AMOTL1: variants seen among roughly 807,000 people sequenced by gnomAD.
AMOTL1 encodes angiomotin like 1.
A neutral mutation model predicts 102.9 loss-of-function variants in AMOTL1; 45 were observed. The observed-to-expected ratio is 0.44, with a 90% CI of 0.34 to 0.56. AMOTL1 has a LOEUF of 0.56. Ranked by LOEUF, AMOTL1 falls within the 20% of genes least tolerant of loss-of-function variation. The probability of loss-of-function intolerance (pLI) is 0.01; values close to 1 mark genes in which losing one functional copy is unlikely to be tolerated. For missense variants in AMOTL1, 1,114 were observed against 1,225.6 expected (o/e 0.91, Z 1.36); for synonymous variants, 481 against 484.7 (o/e 0.99, Z 0.10).
Position 94,873,846 on chromosome 11 carries a change from A to ACTAAGCCC in AMOTL1, c.*3052_*3059dup, listed in dbSNP as rs1413172560. ...CACATCTCAGAGCCTAAGAAATAGG[A>ACTAAGCCC]CTAAGCCCAGAACTCCTAGAATCAC... is the stretch of plus-strand genomic sequence containing the variant. On this transcript the variant is annotated 3_prime_UTR_variant, in exon 13 of 13. Transcript: ENST00000433060. The ACTAAGCCC allele has an allele frequency of 1.1e-4, 17 of 152,402 alleles. No homozygotes were observed. Among genetic ancestry groups the ACTAAGCCC allele is most frequent in the African/African-American group, 3.9e-4 (16 of 41,432 alleles). 9.4% of individuals were successfully genotyped at this position (152,402 alleles called of 1,614,324 possible).
At chr11:94,824,334 A>T (rs1028612489) in intron 4 of AMOTL1, among the ~76,000 whole-genome samples, 1 of 152,156 alleles carries the variant, frequency 6.6e-6, no homozygotes, top group Non-Finnish European at 1.5e-5. Context: ...CAATGAAATG[A>T]TGTTATTTGG....
In AMOTL1 at chr11:94,869,395, C is replaced by T. The variant is rs375930290; in HGVS notation, c.2686C>T (p.Arg896Cys). 4.9e-5 allele frequency: 79 copies of T among 1,605,944 alleles called. No individual in the cohort carries two copies. In the African/African-American group the frequency reaches 5.1e-4, roughly 10 times the overall value. ...GCCCAGCATGGCCTCCCTTCCCAGC[C>T]GCGGCCGGCTGAGCACGACCCCTGC... Reference protein sequence around the residue: ...FWPSMASLPSRGRLSTTPAHS... With the variant: ...FWPSMASLPSCGRLSTTPAHS... The change falls in exon 12 of 13, where the codon CGC becomes TGC. Residue 896 changes from arginine to cysteine, a missense_variant. Arg to Cys is a radical substitution (Grantham distance 180). Transcript: ENST00000433060.
intron 3 of AMOTL1, among the ~76,000 whole-genome samples, chr11:94,806,224 C>T (rs1951565996): frequency 6.6e-6 from 1 of 152,198 alleles, no homozygotes; most frequent in South Asian, 2.1e-4. Context: ...TGCAGCAAGT[C>T]CAGTCTAAAC....
chr11:94,854,793 A>G (rs915812584), intron 8 of AMOTL1, among the ~76,000 whole-genome samples: 32 of 152,160 alleles, frequency 2.1e-4, no homozygotes, highest in Admixed American at 5.2e-4. Context: ...AGGGGGTGAC[A>G]TTAGTAGCCC....
intron 3 of AMOTL1, among the ~76,000 whole-genome samples, chr11:94,746,745 G>T (rs145302102): frequency 8.5e-4 from 129 of 151,910 alleles, no homozygotes; most frequent in African/African-American, 3.0e-3. Context: ...GTGGACCCAA[G>T]CATCAATGTT....
At position 94,801,820 on chromosome 11, in the gene AMOTL1, G is replaced by C. The variant is rs151320127; in HGVS notation, c.1121+1509G>C. On this transcript the variant is annotated intron_variant, in intron 3 of 12. Coordinates refer to ENST00000433060, the MANE Select transcript of AMOTL1 (RefSeq NM_130847.3). ...GAGTCAGAAATGTTTAGATGTTGCT[G>C]ACATTGAAGGAGGGGCAGGGAACAT... Among the ~76,000 whole-genome samples the C allele has an allele frequency of 4.5e-4, 68 of 152,294 alleles. No individual in the cohort carries two copies. The East Asian group carries it at 9.3e-3, about 21-fold the overall frequency.
At chr11:94,813,216 C>T (rs564632832) in intron 3 of AMOTL1, among the ~76,000 whole-genome samples, 1 of 152,340 alleles carries the variant, frequency 6.6e-6, no homozygotes, top group East Asian at 1.9e-4. Flanking sequence ...GACAATTTGA[C>T]AAGGATCACT....
intron 7 of AMOTL1, among the ~76,000 whole-genome samples, chr11:94,851,265 C>G (rs191147099): frequency 2.3e-4 from 35 of 152,314 alleles, no homozygotes; most frequent in African/African-American, 7.9e-4. Context: ...ATTGTCATCA[C>G]TGAAATGACA....
At chr11:94,842,587 A>G (rs1196517608) in intron 6 of AMOTL1, among the ~76,000 whole-genome samples, 3 of 152,130 alleles carry the variant, frequency 2.0e-5, no homozygotes, top group African/African-American at 7.2e-5. Flanking sequence ...GCTTTACCTC[A>G]TTTTCCCATA....
intron 1 of AMOTL1, among the ~76,000 whole-genome samples, chr11:94,770,287 G>A (rs534083239): frequency 4.9e-4 from 75 of 152,322 alleles, no homozygotes; most frequent in Admixed American, 1.4e-3. Context: ...GGCTCTTTAT[G>A]AGAATAATGT....
At chr11:94,854,541 G>A (rs1952620593) in intron 8 of AMOTL1, among the ~76,000 whole-genome samples, 1 of 152,184 alleles carries the variant, frequency 6.6e-6, no homozygotes, top group South Asian at 2.1e-4. Flanking sequence ...CACTTGTGGA[G>A]GACATTTGGT....
chr11:94,866,081 A>G lies in AMOTL1; in HGVS notation c.2401A>G (p.Thr801Ala), dbSNP rs1396902054. ...CTCCGTTCCATCCATAGCAGCAGCT[A>G]CTGGGACACACTCTCGCCAGACCTC... ...ARSVPSIAAA[T>A]GTHSRQTSLT... Residue 801 changes from threonine (T) to alanine (A), a missense_variant, in exon 11 of 13, where the codon ACT becomes GCT. Thr to Ala is a moderately conservative substitution (Grantham distance 58). Coordinates refer to ENST00000433060, the MANE Select transcript of AMOTL1 (RefSeq NM_130847.3). 2 of 1,613,994 alleles carry G rather than the reference A, an allele frequency of 1.2e-6. No homozygotes were observed. Among genetic ancestry groups the G allele is most frequent in the Non-Finnish European group, 1.7e-6 (2 of 1,179,898 alleles).
chr11:94,863,612 A>T (rs1376313421), intron 9 of AMOTL1, among the ~76,000 whole-genome samples: 3 of 152,166 alleles, frequency 2.0e-5, no homozygotes, highest in Non-Finnish European at 4.4e-5. Flanking sequence ...AAAGTTTTTC[A>T]GTATGATTGT....
chr11:94,796,458 G>C (rs977792140), intron 2 of AMOTL1, among the ~76,000 whole-genome samples: 1 of 152,200 alleles, frequency 6.6e-6, no homozygotes, highest in African/African-American at 2.4e-5. Flanking sequence ...GCTCCCGGGA[G>C]TTTGAATCTG....
chr11:94,708,544 G>C (rs899494613), intron 1 of AMOTL1, among the ~76,000 whole-genome samples: 6 of 152,126 alleles, frequency 3.9e-5, no homozygotes, highest in African/African-American at 1.4e-4. Context: ...GTAAATAGAA[G>C]AGTTAAATGA....
chr11:94,736,466 G>C (rs1268264370), intron 2 of AMOTL1, among the ~76,000 whole-genome samples: 3 of 152,110 alleles, frequency 2.0e-5, no homozygotes, highest in Non-Finnish European at 2.9e-5. Context: ...TGGCCAGGCT[G>C]CTTTTGAACT....
intron 8 of AMOTL1, 23 bp downstream of exon 8, chr11:94,854,105 G>A (rs1300858485): frequency 6.6e-7 from 1 of 1,512,920 alleles, no homozygotes; most frequent in East Asian, 2.5e-5. Context: ...GCATGGACTG[G>A]TGAAAGAATT....
chr11:94,771,259 T>TGA (rs1555067541), intron 1 of AMOTL1, among the ~76,000 whole-genome samples: 1 of 96,880 alleles, frequency 1.0e-5, no homozygotes, highest in East Asian at 3.0e-4. Context: ...TTGGCGGGGT[T>TGA]GGGGGGGGGG....
At chr11:94,715,637 G>T (rs1201355347) in intron 1 of AMOTL1, among the ~76,000 whole-genome samples, 1 of 152,066 alleles carries the variant, frequency 6.6e-6, no homozygotes, top group African/African-American at 2.4e-5. Context: ...AGGATTCATG[G>T]TTTTGGATTT....
Sources: allele counts gnomAD v4.1 joint callset (sites outside exome capture counted in the v4.1 genomes callset), GRCh38; gene constraint gnomAD v4.1.1; transcripts MANE v1.5; gene names NCBI Gene and HGNC (gene_info 2026-07-23, HGNC 2026-07-21).